The following SHISA9 variants were observed in gnomAD, a reference collection of about 807,000 sequenced individuals.
The protein encoded by SHISA9 is shisa family member 9, also known as protein shisa-9.
SHISA9 carries 13 observed loss-of-function variants against 38.0 expected under a neutral mutation model. That is an observed-to-expected ratio of 0.34 (90% CI 0.22 to 0.54). SHISA9 has a LOEUF of 0.54. Ranked by LOEUF, SHISA9 falls within the 20% of genes least tolerant of loss-of-function variation. The pLI, the probability that SHISA9 is intolerant of heterozygous loss-of-function variation, is 0.91. For missense variants in SHISA9, 538 were observed against 575.8 expected, an observed-to-expected ratio of 0.93 and a Z score of 0.67; for synonymous variants, 275 against 242.0, an observed-to-expected ratio of 1.14 and a Z score of -1.27.
At chr16:13,280,895 C>T in the SHISA9 span, among the ~76,000 whole-genome samples, 1 of 151,788 alleles carries the variant, frequency 6.6e-6, no homozygotes, top group African/African-American at 2.4e-5. Context: ...CCACTCTGTG[C>T]AGGAAAGAAT....
At chr16:13,340,863 C>A in the SHISA9 span, among the ~76,000 whole-genome samples, 20,567 of 152,080 alleles carry the variant, frequency 0.14, 1,566 homozygotes, top group Non-Finnish European at 0.18. Flanking sequence ...AACACAAGCC[C>A]ACTCTCCACT....
the SHISA9 span, among the ~76,000 whole-genome samples, chr16:13,260,937 A>G: frequency 6.6e-6 from 1 of 152,184 alleles, no homozygotes; most frequent in Non-Finnish European, 1.5e-5. Flanking sequence ...GGCGAAAGGC[A>G]CTTCTTACAT....
chr16:13,371,414 A>C, the SHISA9 span, among the ~76,000 whole-genome samples: 1 of 152,074 alleles, frequency 6.6e-6, no homozygotes, highest in Non-Finnish European at 1.5e-5. Flanking sequence ...CATCATCTCT[A>C]TGCTTCATGA....
chr16:13,048,711 C>T (rs559202008), intron 2 of SHISA9, among the ~76,000 whole-genome samples: 4 of 152,298 alleles, frequency 2.6e-5, no homozygotes, highest in Non-Finnish European at 4.4e-5. Flanking sequence ...CATGAGCCAC[C>T]GCACCTGGCT....
chr16:12,914,338 C>G (rs559506730), intron 1 of SHISA9, among the ~76,000 whole-genome samples: 1 of 152,090 alleles, frequency 6.6e-6, no homozygotes, highest in African/African-American at 2.4e-5. Flanking sequence ...GCCACCGTGC[C>G]CGGTAGTTTA....
chr16:13,155,236 A>G (rs758903370), intron 2 of SHISA9, among the ~76,000 whole-genome samples: 42 of 152,178 alleles, frequency 2.8e-4, no homozygotes, highest in Non-Finnish European at 3.2e-4. Context: ...TTAGAATGCA[A>G]TAGATTGGAG....
chr16:13,384,317 G>T, the SHISA9 span, among the ~76,000 whole-genome samples: 3 of 152,142 alleles, frequency 2.0e-5, no homozygotes, highest in East Asian at 1.9e-4. Flanking sequence ...TTAATGTTGG[G>T]TGGTGAGATG....
the SHISA9 span, among the ~76,000 whole-genome samples, chr16:13,425,912 C>G: frequency 3.3e-5 from 5 of 152,080 alleles, no homozygotes; most frequent in African/African-American, 1.2e-4. Context: ...TTTGCCTGAT[C>G]CTGCAAGCCT....
chr16:13,348,136 A>C, the SHISA9 span, among the ~76,000 whole-genome samples: 5 of 152,218 alleles, frequency 3.3e-5, no homozygotes, highest in South Asian at 1.0e-3. Flanking sequence ...TTAATACAAT[A>C]ATAACGTTAA....
rs116300040 is a variant in SHISA9, at chr16:13,075,716, C to G, written c.692-127678C>G. Among the ~76,000 whole-genome samples, 756 of 152,220 alleles carry G rather than the reference C, an allele frequency of 5.0e-3. 5 individuals are homozygous for G. The highest frequency in any genetic ancestry group is 0.018 in the African/African-American group (734 of 41,548). On this transcript the variant is annotated intron_variant, in intron 2 of 4. Transcript: ENST00000558583. ...TCGTAAAATGTCTATTCTGAAGGTA[C>G]TATTGATTCACATTTTAGAGAAGAT...
the SHISA9 span, among the ~76,000 whole-genome samples, chr16:13,260,713 A>G: frequency 6.6e-6 from 1 of 152,136 alleles, no homozygotes; most frequent in African/African-American, 2.4e-5. Context: ...TGAGCCCTCC[A>G]AACTGTTCCA....
At chr16:13,215,445 C>T (rs910733180) in intron 4 of SHISA9, among the ~76,000 whole-genome samples, 1 of 152,200 alleles carries the variant, frequency 6.6e-6, no homozygotes, top group African/African-American at 2.4e-5. Context: ...TAAGTATTCA[C>T]ATGTCAAAGT....
In SHISA9 at chr16:13,238,957, C is replaced by T. The variant is rs1366524109; in HGVS notation, c.*3548C>T. The T allele has an allele frequency of 2.0e-5, 3 of 149,100 alleles. No homozygotes were observed. In the East Asian group the frequency reaches 6.1e-4, roughly 30 times the overall value. The allele number at this position is 149,100 out of a possible 1,614,324, so 9.2% of individuals were successfully genotyped here. On this transcript the variant is annotated 3_prime_UTR_variant, in exon 5 of 5. Transcript: ENST00000558583. ...CCATTAACTCGTCATTTAGCATTAG[C>T]TATATCTCCTAATGCTATCCCTCCC...
chr16:13,422,385 G>A, the SHISA9 span, among the ~76,000 whole-genome samples: 1 of 152,030 alleles, frequency 6.6e-6, no homozygotes. Context: ...AACTACATTG[G>A]CACTGACTGA....
the SHISA9 span, among the ~76,000 whole-genome samples, chr16:13,319,056 G>C: frequency 2.0e-5 from 3 of 152,154 alleles, no homozygotes; most frequent in Non-Finnish European, 4.4e-5. Flanking sequence ...TAGGCTGGAT[G>C]GAGAGCAGTG....
At chr16:12,972,028 GCT>G (rs1314875555) in intron 2 of SHISA9, among the ~76,000 whole-genome samples, 1 of 135,138 alleles carries the variant, frequency 7.4e-6, no homozygotes, top group Non-Finnish European at 1.6e-5. Context: ...CAAAATCTCT[GCT>G]CTCTTGGAGT....
chr16:12,941,160 T>C (rs568518828), intron 2 of SHISA9, among the ~76,000 whole-genome samples: 1 of 152,276 alleles, frequency 6.6e-6, no homozygotes, highest in African/African-American at 2.4e-5. Flanking sequence ...GAGACCAGCC[T>C]GGCCAACATG....
chr16:13,096,607 T>A (rs2073830586), intron 2 of SHISA9, among the ~76,000 whole-genome samples: 2 of 152,148 alleles, frequency 1.3e-5, no homozygotes, highest in African/African-American at 4.8e-5. Context: ...GCCCATTTGG[T>A]GGCCTTGTAG....
chr16:13,022,828 C>T (rs1268239451), intron 2 of SHISA9, among the ~76,000 whole-genome samples: 1 of 152,020 alleles, frequency 6.6e-6, no homozygotes, highest in Non-Finnish European at 1.5e-5. Context: ...TATCAAACTC[C>T]TGGGCTCAAG....
Sources: gnomAD v4.1 joint callset for allele counts (sites outside exome capture counted in the v4.1 genomes callset) on GRCh38, gnomAD v4.1.1 for gene constraint, MANE v1.5 for transcripts, NCBI Gene and HGNC (gene_info 2026-07-23, HGNC 2026-07-21) for gene names.